The following OPRM1 variants were observed in gnomAD, a reference collection of about 807,000 sequenced individuals.
The protein encoded by OPRM1 is opioid receptor mu 1.
A neutral mutation model predicts 31.8 loss-of-function variants in OPRM1; 27 were observed. The observed-to-expected ratio is 0.85, with a 90% CI of 0.63 to 1.17. The LOEUF is 1.17. OPRM1 is among the 50% of genes most tolerant of loss of function. OPRM1 has a pLI of 0.00. For missense variants in OPRM1, 536 were observed against 511.1 expected, an observed-to-expected ratio of 1.05 and a Z score of -0.47; for synonymous variants, 196 against 189.9, an observed-to-expected ratio of 1.03 and a Z score of -0.26.
chr6:154,111,753 TTTA>T, intron 3 of OPRM1, among the ~76,000 whole-genome samples: 1 of 1,236 alleles, frequency 8.1e-4, no homozygotes, highest in African/African-American at 3.4e-3. Flanking sequence ...ATAGTTTATT[TTTA>T]TTTATTTATT....
At chr6:154,087,363 G>C in intron 1 of OPRM1, 1 of 985,452 alleles carries the variant, frequency 1.0e-6, no homozygotes, top group Non-Finnish European at 1.2e-6. Flanking sequence ...GCTGTCTTGG[G>C]CTGAATGAGT....
chr6:154,104,228 G>T (rs1795267000), intron 3 of OPRM1, among the ~76,000 whole-genome samples: 1 of 152,290 alleles, frequency 6.6e-6, no homozygotes, highest in Non-Finnish European at 1.5e-5. Flanking sequence ...TGACTCTTGA[G>T]TTTCAACAAC....
intron 3 of OPRM1, among the ~76,000 whole-genome samples, chr6:154,173,282 C>T (rs556560624): frequency 6.6e-6 from 1 of 152,232 alleles, no homozygotes; most frequent in East Asian, 1.9e-4. Context: ...AACACAACTC[C>T]TCACCAGCAA....
At chr6:154,237,344 C>T (rs1050440160) in intron 3 of OPRM1, among the ~76,000 whole-genome samples, 4 of 152,198 alleles carry the variant, frequency 2.6e-5, no homozygotes, top group Admixed American at 6.5e-5. Flanking sequence ...CTAGTCCATT[C>T]CCATCTTGTA....
At chr6:154,018,505 C>CTT (rs747320275) in intron 1 of OPRM1, among the ~76,000 whole-genome samples, 11,002 of 141,122 alleles carry the variant, frequency 0.078, 646 homozygotes, top group Admixed American at 0.17. Context: ...CCCGTTAATT[C>CTT]TTTTTTTTTT....
At chr6:154,105,353 T>C (rs1795424697) in intron 3 of OPRM1, among the ~76,000 whole-genome samples, 1 of 152,226 alleles carries the variant, frequency 6.6e-6, no homozygotes, top group Non-Finnish European at 1.5e-5. Flanking sequence ...AAGCAAAGTT[T>C]AAAAGATTAG....
chr6:154,219,711 T>C (rs1274924231), intron 3 of OPRM1, among the ~76,000 whole-genome samples: 1 of 152,214 alleles, frequency 6.6e-6, no homozygotes, highest in Non-Finnish European at 1.5e-5. Flanking sequence ...TGTTCTTATT[T>C]TTCTCAGATG....
At chr6:154,147,233 G>A (rs1192626291) in intron 3 of OPRM1, among the ~76,000 whole-genome samples, 3 of 152,102 alleles carry the variant, frequency 2.0e-5, no homozygotes, top group East Asian at 1.9e-4. Context: ...TAAACAGATC[G>A]CTATCAACAC....
At chr6:154,164,234 C>T (rs1799247220) in intron 3 of OPRM1, among the ~76,000 whole-genome samples, 1 of 152,066 alleles carries the variant, frequency 6.6e-6, no homozygotes, top group Admixed American at 6.6e-5. Context: ...CATGAATTAA[C>T]CCCTCTTTAT....
intron 3 of OPRM1, chr6:154,200,005 C>A: frequency 6.2e-7 from 1 of 1,614,056 alleles, no homozygotes; most frequent in South Asian, 1.1e-5. Flanking sequence ...ACGTTCCACT[C>A]AGGCTGGGTG....
chr6:154,232,790 T>C (rs1180866919), intron 3 of OPRM1, among the ~76,000 whole-genome samples: 4 of 152,018 alleles, frequency 2.6e-5, no homozygotes, highest in Non-Finnish European at 4.4e-5. Flanking sequence ...ATAACCAGCT[T>C]CTCCAGACTA....
intron 3 of OPRM1, chr6:154,155,708 G>A (rs1798685491): frequency 6.6e-6 from 1 of 152,058 alleles, no homozygotes; most frequent in Non-Finnish European, 1.5e-5. Flanking sequence ...TTCAACCAGG[G>A]AGGCAGAGGT....
rs146758381 is a variant in OPRM1, at chr6:154,125,734, C to T, written c.*7013C>T. Among the ~76,000 whole-genome samples, 1,739 of 152,040 alleles carry T rather than the reference C, an allele frequency of 0.011. 19 individuals carry two copies. Among genetic ancestry groups the T allele is most frequent in the Middle Eastern group, 0.031 (9 of 294 alleles). On this transcript the variant is annotated 3_prime_UTR_variant, in exon 4 of 4. Coordinates refer to ENST00000330432, the MANE Select transcript of OPRM1 (RefSeq NM_000914.5). ...AAAGTCTCTTAAACTTACGCTCTTTCGCTTCAAATGCATAAATGTTTTATT... is the reference window on the plus strand; with the variant it reads ...AAAGTCTCTTAAACTTACGCTCTTTTGCTTCAAATGCATAAATGTTTTATT...
intron 3 of OPRM1, chr6:154,156,404 C>G (rs1007710523): frequency 6.6e-6 from 1 of 152,194 alleles, no homozygotes; most frequent in Non-Finnish European, 1.5e-5. Context: ...ACAGGTGAAG[C>G]GAGGTGGGGG....
intron 1 of OPRM1, among the ~76,000 whole-genome samples, chr6:154,052,967 C>T (rs766606849): frequency 2.0e-5 from 3 of 152,186 alleles, no homozygotes; most frequent in African/African-American, 7.2e-5. Context: ...TATTGCTCTT[C>T]TGGAACTGAG....
chr6:154,100,702 A>AT (rs1245874404), intron 3 of OPRM1, among the ~76,000 whole-genome samples: 12 of 151,724 alleles, frequency 7.9e-5, no homozygotes, highest in South Asian at 2.1e-4. Flanking sequence ...TATAGAGCAC[A>AT]TTTTTTGTGT....
Position 154,120,173 on chromosome 6 carries a change from A to G in OPRM1, c.*1452A>G, listed in dbSNP as rs187182971. On this transcript the variant is annotated 3_prime_UTR_variant, in exon 4 of 4. Coordinates refer to ENST00000330432, the MANE Select transcript of OPRM1 (RefSeq NM_000914.5). ...AAAACTAGGCTGCTGACTTCTGAGT[A>G]TTCCTGAGCCTACAATTGTAAAATT... 5.4e-4 allele frequency among the ~76,000 whole-genome samples: 83 copies of G among 152,318 alleles called. 1 individual carries two copies. The highest frequency in any genetic ancestry group is 7.4e-4 in the Non-Finnish European group (50 of 68,016).
chr6:154,017,450 T>C (rs1778070662), intron 1 of OPRM1, among the ~76,000 whole-genome samples: 1 of 152,144 alleles, frequency 6.6e-6, no homozygotes, highest in African/African-American at 2.4e-5. Context: ...GTACATGAGA[T>C]CAGGGCAGAC....
At chr6:154,107,463 A>G (rs1368132535) in intron 3 of OPRM1, 1 of 718,432 alleles carries the variant, frequency 1.4e-6, no homozygotes, top group African/African-American at 1.7e-5. Flanking sequence ...CTTACTTTCT[A>G]GGTGGAATTG....
Sources: allele counts gnomAD v4.1 joint callset (sites outside exome capture counted in the v4.1 genomes callset), GRCh38; gene constraint gnomAD v4.1.1; transcripts MANE v1.5; gene names NCBI Gene and HGNC (gene_info 2026-07-23, HGNC 2026-07-21).